The following CDH4 variants were observed in gnomAD, a reference collection of about 807,000 sequenced individuals.
CDH4 encodes the protein cadherin-4.
CDH4 carries 33 observed loss-of-function variants against 86.0 expected under a neutral mutation model. The ratio of observed to expected loss-of-function variants is 0.38; its 90% CI spans 0.29 to 0.51. CDH4 has a LOEUF of 0.51. Ranked by LOEUF, CDH4 falls within the 20% of genes least tolerant of loss-of-function variation. The pLI is 0.86. For synonymous variants in CDH4, 555 were observed against 549.4 expected (o/e 1.01, Z -0.14); for missense variants, 1,114 against 1,307.4 (o/e 0.85, Z 2.28).
intron 2 of CDH4, among the ~76,000 whole-genome samples, chr20:61,338,438 G>A (rs561410052): frequency 6.6e-6 from 1 of 152,302 alleles, no homozygotes; most frequent in East Asian, 1.9e-4. Context: ...AGCCAAAGAC[G>A]TTGTTTTCTC....
chr20:61,644,464 C>T (rs1446181194), intron 2 of CDH4, among the ~76,000 whole-genome samples: 4 of 152,210 alleles, frequency 2.6e-5, no homozygotes, highest in Non-Finnish European at 4.4e-5. Context: ...TCCCCCTGCA[C>T]CCCTCAAGTC....
chr20:61,692,856 A>G (rs1324693857), intron 2 of CDH4, among the ~76,000 whole-genome samples: 1 of 150,778 alleles, frequency 6.6e-6, no homozygotes, highest in Non-Finnish European at 1.5e-5. Context: ...TTTTTTTGCA[A>G]ATGCTAGATA....
intron 2 of CDH4, among the ~76,000 whole-genome samples, chr20:61,265,225 C>T (rs2084151254): frequency 6.6e-6 from 1 of 150,580 alleles, no homozygotes; most frequent in African/African-American, 2.5e-5. Flanking sequence ...CTCAGTGGCT[C>T]CTTCATTCAA....
At chr20:61,849,664 T>C (rs962753166) in intron 5 of CDH4, among the ~76,000 whole-genome samples, 1 of 152,114 alleles carries the variant, frequency 6.6e-6, no homozygotes, top group Admixed American at 6.5e-5. Flanking sequence ...CCTTGCTGGC[T>C]ATTCGGGGGG....
intron 2 of CDH4, among the ~76,000 whole-genome samples, chr20:61,565,299 CGGTG>C (rs1600764474): frequency 2.0e-4 from 2 of 10,056 alleles, no homozygotes; most frequent in South Asian, 5.0e-3. Flanking sequence ...ATGGTGGTGG[CGGTG>C]CTCTTGGTGG....
intron 2 of CDH4, among the ~76,000 whole-genome samples, chr20:61,551,342 A>G (rs966703007): frequency 1.3e-5 from 2 of 152,144 alleles, no homozygotes; most frequent in Admixed American, 6.5e-5. Flanking sequence ...GGTAAATTTT[A>G]CTGGAGTATA....
At chr20:61,897,319 C>G (rs1985174992) in intron 8 of CDH4, among the ~76,000 whole-genome samples, 1 of 151,960 alleles carries the variant, frequency 6.6e-6, no homozygotes, top group African/African-American at 2.4e-5. Flanking sequence ...AAGCCCTACC[C>G]CTCATCTCTG....
At chr20:61,568,943 G>A (rs1238811872) in intron 2 of CDH4, among the ~76,000 whole-genome samples, 1 of 149,892 alleles carries the variant, frequency 6.7e-6, no homozygotes, top group Non-Finnish European at 1.5e-5. Context: ...TCAGTGCCTG[G>A]CACACAGTAG....
chr20:61,884,473 C>T (rs1984442874), intron 7 of CDH4, among the ~76,000 whole-genome samples: 1 of 151,856 alleles, frequency 6.6e-6, no homozygotes, highest in African/African-American at 2.4e-5. Context: ...AAGGGGTGAG[C>T]AGGGTGTTCA....
intron 2 of CDH4, among the ~76,000 whole-genome samples, chr20:61,450,800 A>G (rs1392434912): frequency 6.9e-6 from 1 of 145,534 alleles, no homozygotes; most frequent in East Asian, 2.3e-4. Flanking sequence ...TCTCCAATGG[A>G]GAGAGTCTGC....
chr20:61,508,895 C>G (rs1052946965), intron 2 of CDH4, among the ~76,000 whole-genome samples: 2 of 152,234 alleles, frequency 1.3e-5, no homozygotes, highest in African/African-American at 4.8e-5. Context: ...AATCAGGAAG[C>G]TGGGTTCCAC....
intron 2 of CDH4, chr20:61,599,948 C>T: frequency 2.0e-6 from 2 of 985,538 alleles, no homozygotes; most frequent in Middle Eastern, 5.2e-4. Flanking sequence ...AGAGGAACGG[C>T]CTCTCCACAG....
At chr20:61,287,603 G>T (rs1486349766) in intron 2 of CDH4, among the ~76,000 whole-genome samples, 1 of 152,210 alleles carries the variant, frequency 6.6e-6, no homozygotes, top group African/African-American at 2.4e-5. Flanking sequence ...CAGGGGTGGG[G>T]TGGGAGCCTG....
At chr20:61,729,113 G>A (rs2088147850) in intron 2 of CDH4, among the ~76,000 whole-genome samples, 1 of 114,220 alleles carries the variant, frequency 8.8e-6, no homozygotes, top group South Asian at 3.7e-4. Context: ...TGCGAGCGCT[G>A]ACTGCAGCGT....
chr20:61,802,284 C>T (rs944318974), intron 4 of CDH4, among the ~76,000 whole-genome samples: 1 of 152,210 alleles, frequency 6.6e-6, no homozygotes, highest in African/African-American at 2.4e-5. Context: ...GGTCAGGATT[C>T]TCACTCAAGG....
chr20:61,319,571 A>G (rs980836026), intron 2 of CDH4, among the ~76,000 whole-genome samples: 9 of 152,144 alleles, frequency 5.9e-5, no homozygotes, highest in Admixed American at 1.3e-4. Flanking sequence ...GCTGGATCAT[A>G]TGGTAGGTGG....
intron 2 of CDH4, among the ~76,000 whole-genome samples, chr20:61,345,226 T>C (rs917885832): frequency 1.3e-5 from 2 of 152,220 alleles, no homozygotes; most frequent in African/African-American, 4.8e-5. Flanking sequence ...GCAGTTACCT[T>C]CATCTGTAAA....
chr20:61,476,572 G>A (rs548026493), intron 2 of CDH4, among the ~76,000 whole-genome samples: 6 of 152,322 alleles, frequency 3.9e-5, no homozygotes, highest in East Asian at 1.9e-4. Flanking sequence ...GAAGGCCCCC[G>A]GTGAGACACA....
chr20:61,569,697 C>A (rs367562011), intron 2 of CDH4, among the ~76,000 whole-genome samples: 1 of 151,536 alleles, frequency 6.6e-6, no homozygotes, highest in East Asian at 1.9e-4. Context: ...TTTTTTGAGG[C>A]GGCGACCTCC....
Sources: gnomAD v4.1 joint callset for allele counts (sites outside exome capture counted in the v4.1 genomes callset) on GRCh38, gnomAD v4.1.1 for gene constraint, MANE v1.5 for transcripts, NCBI Gene and HGNC (gene_info 2026-07-23, HGNC 2026-07-21) for gene names.